RAB3GAP1: variants seen among roughly 807,000 people sequenced by gnomAD.
The protein encoded by RAB3GAP1 is rab3 GTPase-activating protein catalytic subunit.
Under a neutral mutation model 130.7 loss-of-function variants are expected in RAB3GAP1, and 86 were observed. The observed-to-expected ratio is 0.66, with a 90% CI of 0.55 to 0.79. RAB3GAP1 has a LOEUF of 0.79. Ranked by LOEUF, RAB3GAP1 falls within the 30% of genes least tolerant of loss-of-function variation. The pLI, the probability that RAB3GAP1 is intolerant of heterozygous loss-of-function variation, is 0.00. For synonymous variants in RAB3GAP1, 367 were observed against 401.7 expected (o/e 0.91, Z 1.03); for missense variants, 1,029 against 1,169.4 (o/e 0.88, Z 1.75).
intron 6 of RAB3GAP1, 96 bp from the exon 7 acceptor site, chr2:135,115,120 A>C: frequency 8.0e-7 from 1 of 1,243,760 alleles, no homozygotes; most frequent in South Asian, 1.4e-5. Context: ...TAGTGCTTTC[A>C]AATTCTTGAG....
chr2:135,088,688 CAAAAAAA>C (rs1162700077), intron 3 of RAB3GAP1, among the ~76,000 whole-genome samples: 20 of 55,716 alleles, frequency 3.6e-4, no homozygotes, highest in Non-Finnish European at 2.6e-4. Flanking sequence ...GACTCCATCT[CAAAAAAA>C]AAAAAAAAAA....
At chr2:135,066,545 T>G (rs1454091443) in intron 3 of RAB3GAP1, among the ~76,000 whole-genome samples, 2 of 152,246 alleles carry the variant, frequency 1.3e-5, no homozygotes, top group Non-Finnish European at 2.9e-5. Flanking sequence ...GGATTAAACC[T>G]AGGTCTTGCC....
At chr2:135,083,302 ATG>A in intron 3 of RAB3GAP1, among the ~76,000 whole-genome samples, 1 of 152,242 alleles carries the variant, frequency 6.6e-6, no homozygotes, top group Middle Eastern at 3.4e-3. Context: ...TTGTGTGGAC[ATG>A]TTTTTATTTC....
intron 3 of RAB3GAP1, chr2:135,058,296 T>TA: frequency 3.9e-6 from 2 of 515,886 alleles, no homozygotes; most frequent in Non-Finnish European, 6.9e-6. Flanking sequence ...TAAAGTTATA[T>TA]ATATGTGTGT....
At chr2:135,141,672 T>C (rs1239862489) in intron 17 of RAB3GAP1, among the ~76,000 whole-genome samples, 1 of 152,208 alleles carries the variant, frequency 6.6e-6, no homozygotes, top group African/African-American at 2.4e-5. Flanking sequence ...TTCTTTTCTT[T>C]TGGAAGCTTT....
intron 7 of RAB3GAP1, among the ~76,000 whole-genome samples, chr2:135,117,408 ATTTC>A (rs1483179912): frequency 4.9e-5 from 2 of 40,672 alleles, no homozygotes; most frequent in African/African-American, 9.9e-5. Flanking sequence ...TCAATACTTT[ATTTC>A]TTCTTCTTCT....
chr2:135,173,118 T>G (rs1692902577), downstream of RAB3GAP1, among the ~76,000 whole-genome samples: 1 of 151,830 alleles, frequency 6.6e-6, no homozygotes, highest in African/African-American at 2.4e-5. Context: ...CCTCAGAAAC[T>G]GTGTAAGATG....
chr2:135,162,922 G>T (rs150234313), intron 21 of RAB3GAP1, 64 bp from the exon 22 acceptor site: 2 of 1,572,112 alleles, frequency 1.3e-6, no homozygotes, highest in Non-Finnish European at 1.8e-6. Context: ...TTTAAGATGC[G>T]TTTTCAAAGG....
rs775603554 is a variant in RAB3GAP1, at chr2:135,130,631, T to G, written c.1146T>G (p.Asn382Lys). The change falls in exon 13 of 24, where the codon AAT becomes AAG. Residue 382 changes from asparagine to lysine, a missense_variant. By Grantham distance (94) the Asn-to-Lys change is moderately conservative. Around this residue, in one of 3 missense-constraint regions of RAB3GAP1, gnomAD observed 510 missense variants for 532.1 expected, o/e 0.96. Coordinates refer to ENST00000264158, the MANE Select transcript of RAB3GAP1 (RefSeq NM_012233.3). ...CAATTCATAAATTATCAGTTTCAAA[T>G]ATGGTACACACTGCAAAGAAGAAAA... is the stretch of plus-strand genomic sequence containing the variant. The part of the protein sequence containing the change: ...SVPIHKLSVS[N>K]MVHTAKKKIR... 61 of 1,613,590 alleles carry G rather than the reference T, an allele frequency of 3.8e-5. No homozygotes were observed. The highest frequency in any genetic ancestry group is 5.1e-5 in the Non-Finnish European group (60 of 1,179,710).
At chr2:135,156,780 T>C (rs1234866212) in intron 19 of RAB3GAP1, among the ~76,000 whole-genome samples, 1 of 152,170 alleles carries the variant, frequency 6.6e-6, no homozygotes, top group Middle Eastern at 3.2e-3. Flanking sequence ...TATTAGCTAG[T>C]GTAATTAGCA....
chr2:135,137,126 G>T, intron 17 of RAB3GAP1: 1 of 314,012 alleles, frequency 3.2e-6, no homozygotes, highest in South Asian at 3.0e-5. Flanking sequence ...CTGTGGAAGA[G>T]ATAGTTAAAC....
intron 7 of RAB3GAP1, among the ~76,000 whole-genome samples, chr2:135,120,427 A>G (rs891781799): frequency 6.6e-6 from 1 of 152,234 alleles, no homozygotes; most frequent in African/African-American, 2.4e-5. Context: ...ACAAAAATAC[A>G]GTGATTCTTT....
chr2:135,112,442 A>G (rs1223566979), intron 5 of RAB3GAP1, among the ~76,000 whole-genome samples: 1 of 152,226 alleles, frequency 6.6e-6, no homozygotes, highest in Non-Finnish European at 1.5e-5. Flanking sequence ...CCAGGCCTGC[A>G]CTGGATGAAG....
chr2:135,155,085 A>G lies in RAB3GAP1; in HGVS notation c.2289+1209A>G, dbSNP rs564378502. 4.6e-5 allele frequency among the ~76,000 whole-genome samples: 7 copies of G among 152,182 alleles called. No homozygotes were observed. In the East Asian group the frequency reaches 5.8e-4, roughly 13 times the overall value. On this transcript the variant is annotated intron_variant, in intron 19 of 23. Coordinates refer to ENST00000264158, the MANE Select transcript of RAB3GAP1 (RefSeq NM_012233.3). ...AAGAAAATTGTAACATAACATTCCA[A>G]ACTGAATCAGATATCCTCAAACAGT...
rs374773352 is a variant in RAB3GAP1, at chr2:135,068,652, C to G, written c.150+10566C>G. ...CCTGTAATCCCAACTACTTGGGAGA[C>G]TGAGGCAGGAGAATCATTTGAACCG... is the stretch of plus-strand genomic sequence containing the variant. On this transcript the variant is annotated intron_variant, in intron 3 of 23. Coordinates refer to ENST00000264158, the MANE Select transcript of RAB3GAP1 (RefSeq NM_012233.3). 2.2e-4 allele frequency among the ~76,000 whole-genome samples: 33 copies of G among 152,224 alleles called. No individual in the cohort carries two copies. The South Asian group carries it at 5.8e-3, about 27-fold the overall frequency.
At chr2:135,080,543 A>G (rs13426257) in intron 3 of RAB3GAP1, among the ~76,000 whole-genome samples, 4,107 of 152,224 alleles carry the variant, frequency 0.027, 164 homozygotes, top group African/African-American at 0.092. Flanking sequence ...GCTAAATGGT[A>G]CTTGTTTCCT....
At chr2:135,081,306 C>CAAAAAAAAA (rs1169138978) in intron 3 of RAB3GAP1, among the ~76,000 whole-genome samples, 2 of 13,208 alleles carry the variant, frequency 1.5e-4, no homozygotes, top group African/African-American at 2.7e-4. Flanking sequence ...GACTCCGTCT[C>CAAAAAAAAA]AAAAAAAAAA....
In RAB3GAP1 at chr2:135,162,765, T is replaced by C; in HGVS notation, c.2404T>C (p.Ser802Pro). 1 of 1,613,602 alleles carries C rather than the reference T, an allele frequency of 6.2e-7. No individual in the cohort carries two copies. The highest frequency in any genetic ancestry group is 1.1e-5 in the South Asian group (1 of 91,070). Reference sequence around the variant, plus strand: ...TAAAATAGAAAGTCTCGAAAACATTTCTTCAGTTAAGAAGATCATAAAGCA... The same window carrying C: ...TAAAATAGAAAGTCTCGAAAACATTCCTTCAGTTAAGAAGATCATAAAGCA... ...VKEEESLENI[S>P]SVKKIIKQII... The change falls in exon 21 of 24, where the codon TCT becomes CCT. Residue 802 changes from serine (S) to proline (P), a missense_variant. Physicochemically the swap from Ser to Pro is moderately conservative, Grantham distance 74. This residue lies in a region of RAB3GAP1 where 373 missense variants were observed against 493.6 expected (regional missense o/e 0.76). Transcript: ENST00000264158.
intron 2 of RAB3GAP1, among the ~76,000 whole-genome samples, chr2:135,056,024 G>T (rs1688999566): frequency 6.6e-6 from 1 of 151,492 alleles, no homozygotes; most frequent in Non-Finnish European, 1.5e-5. Flanking sequence ...TTTTAGTAGT[G>T]GCGGGGTTTC....
Sources: gnomAD v4.1 joint callset for allele counts (sites outside exome capture counted in the v4.1 genomes callset) on GRCh38, gnomAD v4.1.1 for gene constraint, gnomAD v4.1.1 regional missense constraint, MANE v1.5 for transcripts, NCBI Gene and HGNC (gene_info 2026-07-23, HGNC 2026-07-21) for gene names.